Variants in WASF3 observed in about 807,000 individuals in gnomAD.
The protein encoded by WASF3 is actin-binding protein WASF3.
A neutral mutation model predicts 46.6 loss-of-function variants in WASF3; 11 were observed. The ratio of observed to expected loss-of-function variants is 0.24; its 90% CI spans 0.15 to 0.39. The LOEUF is 0.39. Among genes scored for constraint, WASF3 ranks in the 10% least tolerant of loss-of-function variants. The pLI, the probability that WASF3 is intolerant of heterozygous loss-of-function variation, is 1.00. For synonymous variants in WASF3, 242 were observed against 259.7 expected, an observed-to-expected ratio of 0.93 and a Z score of 0.65; for missense variants, 576 against 669.8, an observed-to-expected ratio of 0.86 and a Z score of 1.55.
chr13:26,600,927 G>A (rs1003752283), intron 1 of WASF3, among the ~76,000 whole-genome samples: 4 of 152,114 alleles, frequency 2.6e-5, no homozygotes, highest in Admixed American at 2.0e-4. Context: ...TTGTGGCAGG[G>A]TAGAGATGAT....
chr13:26,623,290 C>G (rs1297731969), intron 2 of WASF3, among the ~76,000 whole-genome samples: 1 of 152,168 alleles, frequency 6.6e-6, no homozygotes, highest in African/African-American at 2.4e-5. Context: ...TCGTGCTGCT[C>G]TGCGGGAGGT....
At position 26,676,591 on chromosome 13, in the gene WASF3, G is replaced by A; in HGVS notation, c.583G>A (p.Val195Ile). 6.2e-7 allele frequency: 1 copy of A among 1,614,178 alleles called. No homozygotes were observed. Among genetic ancestry groups the A allele is most frequent in the Non-Finnish European group, 8.5e-7 (1 of 1,180,030 alleles). The change falls in exon 7 of 10, where the codon GTT (valine) becomes ATT (isoleucine). Residue 195 changes from valine to isoleucine, a missense_variant. By Grantham distance (29) the Val-to-Ile change is conservative. Around this residue, in one of 3 missense-constraint regions of WASF3, gnomAD observed 213 missense variants for 278.0 expected, o/e 0.77. Coordinates refer to ENST00000335327, the MANE Select transcript of WASF3 (RefSeq NM_006646.6). ...IDGTTREVKK[V>I]RKARNRRQEW... ...TGGCACCACCCGTGAGGTGAAAAAG[G>A]TTAGAAAAGCCAGAAACAGGCGCCA...
chr13:26,599,675 G>T (rs1880589005), intron 1 of WASF3, among the ~76,000 whole-genome samples: 1 of 152,194 alleles, frequency 6.6e-6, no homozygotes, highest in Non-Finnish European at 1.5e-5. Context: ...TCTATTGGCA[G>T]ATTCTTTGTC....
intron 3 of WASF3, among the ~76,000 whole-genome samples, chr13:26,651,594 G>T (rs1312964151): frequency 1.3e-5 from 2 of 152,174 alleles, no homozygotes; most frequent in Non-Finnish European, 2.9e-5. Flanking sequence ...CAGAGAATTA[G>T]TCCTCCAGCA....
intron 1 of WASF3, among the ~76,000 whole-genome samples, chr13:26,584,124 TC>T (rs1201639384): frequency 6.6e-6 from 1 of 152,226 alleles, no homozygotes; most frequent in Non-Finnish European, 1.5e-5. Context: ...CAAAGACTCT[TC>T]CTTCCAGGTA....
At chr13:26,598,581 T>G (rs1255960674) in intron 1 of WASF3, among the ~76,000 whole-genome samples, 1 of 152,230 alleles carries the variant, frequency 6.6e-6, no homozygotes, top group Non-Finnish European at 1.5e-5. Context: ...GAGCTGGATC[T>G]GGGCTTTGAA....
At chr13:26,563,803 T>A (rs1345056008) in intron 1 of WASF3, among the ~76,000 whole-genome samples, 1 of 151,910 alleles carries the variant, frequency 6.6e-6, no homozygotes, top group Non-Finnish European at 1.5e-5. Flanking sequence ...TTTTTTTTTT[T>A]TAAATTTTAA....
At chr13:26,552,189 GA>G in the WASF3 span, among the ~76,000 whole-genome samples, 3 of 152,150 alleles carry the variant, frequency 2.0e-5, no homozygotes, top group Non-Finnish European at 4.4e-5. Context: ...TACCTTGGGG[GA>G]AAAAGACAAT....
chr13:26,573,642 A>G (rs554045531), intron 1 of WASF3, among the ~76,000 whole-genome samples: 2 of 152,134 alleles, frequency 1.3e-5, no homozygotes, highest in Non-Finnish European at 2.9e-5. Context: ...TTTGTTCTTA[A>G]TTTCTAGTTT....
At chr13:26,648,122 A>AT (rs1405261151) in intron 3 of WASF3, among the ~76,000 whole-genome samples, 2 of 152,038 alleles carry the variant, frequency 1.3e-5, no homozygotes, top group African/African-American at 2.4e-5. Context: ...GTTGTTTTTG[A>AT]TTTTTTTAAA....
intron 1 of WASF3, among the ~76,000 whole-genome samples, chr13:26,567,799 TTATACGTGTATA>T (rs1463257497): frequency 6.6e-6 from 1 of 152,014 alleles, no homozygotes; most frequent in African/African-American, 2.4e-5. Context: ...GTGCGTGTAT[TTATACGTGTATA>T]TATACGTGTG....
chr13:26,552,371 A>G, the WASF3 span, among the ~76,000 whole-genome samples: 3 of 152,240 alleles, frequency 2.0e-5, no homozygotes, highest in African/African-American at 7.2e-5. Flanking sequence ...ATATCAATAT[A>G]CTGCCTTGCT....
chr13:26,593,134 C>T (rs1001075781), intron 1 of WASF3, among the ~76,000 whole-genome samples: 8 of 151,864 alleles, frequency 5.3e-5, no homozygotes, highest in Middle Eastern at 3.2e-3. Context: ...GGAGTGGGGG[C>T]GTTGTACTGT....
chr13:26,659,436 C>T (rs1882560520), intron 3 of WASF3, among the ~76,000 whole-genome samples: 1 of 151,840 alleles, frequency 6.6e-6, no homozygotes, highest in Non-Finnish European at 1.5e-5. Flanking sequence ...AAGTGGTCAT[C>T]TGGCCTTTAG....
At chr13:26,642,086 T>G (rs1231664220) in intron 2 of WASF3, 175 bp from the exon 3 acceptor site, 3 of 527,820 alleles carry the variant, frequency 5.7e-6, no homozygotes, top group Non-Finnish European at 9.5e-6. Context: ...ACCTTCAGGC[T>G]CTATAAAACT....
intron 7 of WASF3, chr13:26,680,203 TTTG>T: frequency 6.4e-7 from 1 of 1,552,920 alleles, no homozygotes; most frequent in Non-Finnish European, 8.6e-7. Context: ...GCCCAGCGGG[TTTG>T]TTGTTTTGCT....
chr13:26,583,643 G>T (rs1332041857), intron 1 of WASF3, among the ~76,000 whole-genome samples: 2 of 152,088 alleles, frequency 1.3e-5, no homozygotes, highest in Non-Finnish European at 2.9e-5. Flanking sequence ...TTTTTCAGAA[G>T]AATGACCCTG....
chr13:26,558,846 G>A (rs941044194), intron 1 of WASF3, among the ~76,000 whole-genome samples: 3 of 152,172 alleles, frequency 2.0e-5, no homozygotes, highest in African/African-American at 7.2e-5. Context: ...TTAAGATTCA[G>A]AGTCTACTTT....
chr13:26,555,999 C>T (rs1028327516), upstream of WASF3, among the ~76,000 whole-genome samples: 1 of 152,184 alleles, frequency 6.6e-6, no homozygotes, highest in Non-Finnish European at 1.5e-5. Context: ...TGAACCACAA[C>T]ACTAGGAATA....
Sources: allele counts gnomAD v4.1 joint callset (sites outside exome capture counted in the v4.1 genomes callset), GRCh38; gene constraint gnomAD v4.1.1; regional missense constraint gnomAD v4.1.1; transcripts MANE v1.5; gene names NCBI Gene and HGNC (gene_info 2026-07-23, HGNC 2026-07-21).